Variants in PSD3 observed in about 807,000 individuals in gnomAD.
PSD3 encodes PH and SEC7 domain-containing protein 3.
In PSD3, 49 loss-of-function variants were observed where a neutral mutation model predicts 105.5. That is an observed-to-expected ratio of 0.46 (90% CI 0.37 to 0.59). The LOEUF (loss-of-function observed/expected upper bound fraction) is 0.59, where lower values mean the gene tolerates loss of function less well. Among genes scored for constraint, PSD3 ranks in the 20% least tolerant of loss-of-function variants. PSD3 has a pLI of 0.00. For missense variants in PSD3, 1,561 were observed against 1,263.8 expected, an observed-to-expected ratio of 1.24 and a Z score of -3.57; for synonymous variants, 557 against 457.8, an observed-to-expected ratio of 1.22 and a Z score of -2.77.
At chr8:18,703,418 C>T (rs906951999) in intron 9 of PSD3, among the ~76,000 whole-genome samples, 8 of 152,196 alleles carry the variant, frequency 5.3e-5, no homozygotes, top group African/African-American at 1.9e-4. Flanking sequence ...ATTGAAATAA[C>T]TATCCTTCAG....
intron 14 of PSD3, among the ~76,000 whole-genome samples, chr8:18,570,900 C>A (rs1802094432): frequency 6.7e-6 from 1 of 148,166 alleles, no homozygotes; most frequent in African/African-American, 2.5e-5. Flanking sequence ...TGCTCTGTCG[C>A]CCAGGCTGGA....
intron 4 of PSD3, among the ~76,000 whole-genome samples, chr8:18,840,750 G>C (rs1470735601): frequency 2.0e-5 from 3 of 152,156 alleles, no homozygotes; most frequent in African/African-American, 4.8e-5. Flanking sequence ...CTCTGGGAGA[G>C]GTCTGTCAGG....
chr8:18,651,449 C>G (rs1373725805), intron 10 of PSD3, among the ~76,000 whole-genome samples: 2 of 152,202 alleles, frequency 1.3e-5, no homozygotes, highest in African/African-American at 4.8e-5. Context: ...ATTTTCTAAA[C>G]TACACATTGT....
chr8:18,666,413 G>A (rs950982002), intron 9 of PSD3, among the ~76,000 whole-genome samples: 4 of 152,132 alleles, frequency 2.6e-5, no homozygotes, highest in African/African-American at 7.2e-5. Context: ...GCTTTATCGC[G>A]GTATTTGTTT....
intron 4 of PSD3, among the ~76,000 whole-genome samples, chr8:18,860,241 T>C (rs993300065): frequency 2.6e-5 from 4 of 152,146 alleles, no homozygotes; most frequent in Non-Finnish European, 1.5e-5. Context: ...CCACGTTATA[T>C]GGGCATGGTT....
In PSD3 at chr8:18,870,529, G is replaced by A. The variant is rs188449127; in HGVS notation, c.1238+1097C>T. ...GGAATATCACCCACCGGGCCCTGTC[G>A]GGGTGTTGGGGGCTAAGGGAGGGAT... On this transcript the variant is annotated intron_variant, in intron 3 of 15. Coordinates refer to ENST00000327040, the MANE Select transcript of PSD3 (RefSeq NM_015310.4). Among the ~76,000 whole-genome samples, 64 of 152,222 alleles carry A rather than the reference G, an allele frequency of 4.2e-4. 1 individual carries two copies. The highest frequency in any genetic ancestry group is 1.2e-3 in the South Asian group (6 of 4,818).
chr8:18,723,270 T>C (rs1053760333), intron 9 of PSD3, among the ~76,000 whole-genome samples: 2 of 152,270 alleles, frequency 1.3e-5, no homozygotes, highest in East Asian at 1.9e-4. Context: ...ATATTACTGT[T>C]ATTGTTACTC....
chr8:18,730,878 CATT>C (rs773995172), intron 9 of PSD3, among the ~76,000 whole-genome samples: 5 of 151,950 alleles, frequency 3.3e-5, no homozygotes, highest in Admixed American at 6.6e-5. Context: ...CCGATAATAA[CATT>C]TTAGAGTTGG....
At chr8:18,632,111 A>G (rs1806945584) in intron 11 of PSD3, among the ~76,000 whole-genome samples, 1 of 152,040 alleles carries the variant, frequency 6.6e-6, no homozygotes, top group Non-Finnish European at 1.5e-5. Flanking sequence ...ATGCTCTCCT[A>G]CATCTCACCT....
intron 9 of PSD3, among the ~76,000 whole-genome samples, chr8:18,670,423 G>A (rs913091443): frequency 1.3e-5 from 2 of 152,178 alleles, no homozygotes; most frequent in Non-Finnish European, 1.5e-5. Context: ...GGGTGGCTCC[G>A]CTTCTGTGTG....
chr8:18,789,926 A>T (rs1809539127), intron 8 of PSD3, among the ~76,000 whole-genome samples: 1 of 152,228 alleles, frequency 6.6e-6, no homozygotes, highest in Non-Finnish European at 1.5e-5. Flanking sequence ...TACAGTGATA[A>T]GAAGACTGAA....
chr8:18,677,721 G>A (rs915295773), intron 9 of PSD3, among the ~76,000 whole-genome samples: 1 of 152,130 alleles, frequency 6.6e-6, no homozygotes, highest in Non-Finnish European at 1.5e-5. Flanking sequence ...TAAAACATTA[G>A]AACATGTTGA....
At chr8:18,802,405 C>G in intron 6 of PSD3, 1 of 415,052 alleles carries the variant, frequency 2.4e-6, no homozygotes, top group Non-Finnish European at 4.9e-6. Context: ...TCTAAGAAAT[C>G]TTACTATGGT....
At chr8:18,849,092 C>A (rs144525455) in intron 4 of PSD3, among the ~76,000 whole-genome samples, 2 of 152,236 alleles carry the variant, frequency 1.3e-5, no homozygotes, top group African/African-American at 2.4e-5. Flanking sequence ...CCTCCAGTCC[C>A]GAAGCAGCAT....
chr8:18,873,283 C>T (rs1817513111), intron 2 of PSD3, among the ~76,000 whole-genome samples: 1 of 152,058 alleles, frequency 6.6e-6, no homozygotes, highest in African/African-American at 2.4e-5. Context: ...GGAAAAAATG[C>T]TTTCAAAACA....
chr8:18,928,524 C>A (rs762094957), intron 2 of PSD3, among the ~76,000 whole-genome samples: 2 of 152,062 alleles, frequency 1.3e-5, no homozygotes, highest in African/African-American at 2.4e-5. Context: ...TTATTCCACA[C>A]AAAAAAGTAG....
At chr8:18,644,687 A>G (rs995931148) in intron 10 of PSD3, among the ~76,000 whole-genome samples, 3 of 152,076 alleles carry the variant, frequency 2.0e-5, no homozygotes, top group African/African-American at 4.8e-5. Flanking sequence ...GGCTTTTTCT[A>G]GCATTCACTT....
At chr8:18,772,348 A>C (rs1214828013) in intron 8 of PSD3, among the ~76,000 whole-genome samples, 1 of 152,132 alleles carries the variant, frequency 6.6e-6, no homozygotes, top group Non-Finnish European at 1.5e-5. Context: ...CAATTCCTAC[A>C]ACAGTACGTT....
At chr8:18,723,217 A>C (rs1803120376) in intron 9 of PSD3, among the ~76,000 whole-genome samples, 1 of 152,176 alleles carries the variant, frequency 6.6e-6, no homozygotes, top group African/African-American at 2.4e-5. Flanking sequence ...TGCAGATGAC[A>C]CGTGTGTTCT....
Sources: allele counts gnomAD v4.1 joint callset (sites outside exome capture counted in the v4.1 genomes callset), GRCh38; gene constraint gnomAD v4.1.1; transcripts MANE v1.5; gene names NCBI Gene and HGNC (gene_info 2026-07-23, HGNC 2026-07-21).